The following ELF1 variants were observed in gnomAD, a reference collection of about 807,000 sequenced individuals.
ELF1 encodes the protein ETS-related transcription factor Elf-1.
A neutral mutation model predicts 59.9 loss-of-function variants in ELF1; 24 were observed. The ratio of observed to expected loss-of-function variants is 0.40; its 90% CI spans 0.29 to 0.56. The LOEUF (loss-of-function observed/expected upper bound fraction) is 0.56, where lower values mean the gene tolerates loss of function less well. Among genes scored for constraint, ELF1 ranks in the 20% least tolerant of loss-of-function variants. The pLI is 0.44. For synonymous variants in ELF1, 248 were observed against 266.2 expected (o/e 0.93, Z 0.67); for missense variants, 627 against 742.2 (o/e 0.84, Z 1.80).
At chr13:40,959,812 C>A (rs185145161) in intron 2 of ELF1, among the ~76,000 whole-genome samples, 3 of 152,158 alleles carry the variant, frequency 2.0e-5, no homozygotes, top group East Asian at 1.9e-4. Flanking sequence ...ATGGAAAGGA[C>A]CCATACAATT....
In ELF1 at chr13:40,941,048, G is replaced by C. The variant is rs1231336956; in HGVS notation, c.1129C>G (p.Pro377Ala). Residue 377 changes from proline (P) to alanine (A), a missense_variant, in exon 8 of 9, where the codon CCA becomes GCA. By Grantham distance (27) the Pro-to-Ala change is conservative. Coordinates refer to ENST00000239882, the MANE Select transcript of ELF1 (RefSeq NM_172373.4). ...VLRTVQPTQS[P>A]YPTQLFRTVH... ...GTCCGGAAGAGCTGGGTAGGATATG[G>C]AGACTGCGTGGGCTGCACTGTCCTC... The C allele has an allele frequency of 6.2e-7, 1 of 1,614,092 alleles. No individual in the cohort carries two copies. Among genetic ancestry groups the C allele is most frequent in the African/African-American group, 1.3e-5 (1 of 74,940 alleles).
chr13:40,941,082 T>C lies in ELF1; in HGVS notation c.1095A>G (p.Ser365=), dbSNP rs781500436. Residue 365 remains serine, a synonymous_variant, in exon 8 of 9, where the codon TCA becomes TCG. Coordinates refer to ENST00000239882, the MANE Select transcript of ELF1 (RefSeq NM_172373.4). ...TGGGCTGCACTGTCCTCAAAACTTC[T>C]GATGGTTGTGCAACTTCCACAGGAT... The part of the protein sequence containing the change: ...PKDPVEVAQP[S]EVLRTVQPTQ... The C allele has an allele frequency of 2.5e-6, 4 of 1,614,214 alleles. No individual in the cohort carries two copies. The highest frequency in any genetic ancestry group is 3.4e-6 in the Non-Finnish European group (4 of 1,180,032).
chr13:40,951,330 T>C lies in ELF1; in HGVS notation c.360A>G (p.Ile120Met). The part of the protein sequence containing the change: ...SPGPMLDEKR[I>M]NNNIFSSPED... The stretch of plus-strand genomic sequence containing the variant: ...ACATAAACAATCATAATCACTCACT[T>C]ATTCGTTTTTCATCCAGCATAGGGC... The change falls in exon 4 of 9, where the codon ATA becomes ATG. Residue 120 changes from isoleucine (I) to methionine (M), a missense_variant and splice_region_variant. This residue lies in a region of ELF1 where 232 missense variants were observed against 269.2 expected (regional missense o/e 0.86). Transcript: ENST00000239882. 1 of 1,608,418 alleles carries C rather than the reference T, an allele frequency of 6.2e-7. No homozygotes were observed.
At chr13:40,967,758 ATT>A (rs368951830) in intron 2 of ELF1, among the ~76,000 whole-genome samples, 3 of 144,628 alleles carry the variant, frequency 2.1e-5, no homozygotes, top group Admixed American at 1.4e-4. Flanking sequence ...TGTCTGGCTA[ATT>A]TTTTTTTTTT....
intron 1 of ELF1, among the ~76,000 whole-genome samples, chr13:40,984,485 T>C (rs935574627): frequency 6.6e-6 from 1 of 152,186 alleles, no homozygotes; most frequent in Non-Finnish European, 1.5e-5. Context: ...GGAGGATCAC[T>C]TGAGCCCAGG....
At position 40,941,186 on chromosome 13, in the gene ELF1, C is replaced by T. The variant is rs990847340; in HGVS notation, c.991G>A (p.Val331Ile). The T allele has an allele frequency of 1.2e-6, 2 of 1,614,098 alleles. No homozygotes were observed. The highest frequency in any genetic ancestry group is 2.2e-5 in the South Asian group (2 of 91,076). The change falls in exon 8 of 9, where the codon GTA (valine) becomes ATA (isoleucine). Residue 331 changes from valine (V) to isoleucine (I), a missense_variant. Transcript: ENST00000239882. Reference protein sequence around the residue: ...SNRNQTSRSRVSSSPGVKGGA... With the variant: ...SNRNQTSRSRISSSPGVKGGA... ...CCTTTTACCCCTGGACTTGAAGATA[C>T]TCTCGACCGGCTGGTTTGATTCCTA...
chr13:41,015,003 C>CA (rs1415835220), intron 1 of ELF1, among the ~76,000 whole-genome samples: 1 of 151,714 alleles, frequency 6.6e-6, no homozygotes, highest in Non-Finnish European at 1.5e-5. Flanking sequence ...GCCCTCCCCC[C>CA]AAAAAAAGAA....
intron 2 of ELF1, among the ~76,000 whole-genome samples, chr13:40,971,715 A>G (rs1406795889): frequency 6.6e-6 from 1 of 152,228 alleles, no homozygotes; most frequent in Admixed American, 6.5e-5. Flanking sequence ...GTCTAATCCT[A>G]GTGTAACTGT....
intron 1 of ELF1, among the ~76,000 whole-genome samples, chr13:41,046,515 A>G (rs896723041): frequency 4.6e-5 from 7 of 152,140 alleles, no homozygotes; most frequent in Admixed American, 4.6e-4. Context: ...GCTTGTCTGT[A>G]AAGGATTTTA....
chr13:40,942,811 C>T (rs1205366368), intron 7 of ELF1, 141 bp downstream of exon 7: 15 of 887,958 alleles, frequency 1.7e-5, no homozygotes, highest in South Asian at 3.5e-5. Flanking sequence ...CATGAGCCAC[C>T]GCACCTGACT....
At chr13:40,942,881 A>G (rs941492249) in intron 7 of ELF1, 71 bp downstream of exon 7, 1 of 1,404,866 alleles carries the variant, frequency 7.1e-7, no homozygotes, top group African/African-American at 1.4e-5. Flanking sequence ...GCTGAACTTA[A>G]GCTTAGTATT....
chr13:41,010,110 A>G (rs2138360035), intron 1 of ELF1, among the ~76,000 whole-genome samples: 1 of 150,506 alleles, frequency 6.6e-6, no homozygotes, highest in Non-Finnish European at 1.5e-5. Flanking sequence ...ATGCTGTTAA[A>G]TATACATGCT....
chr13:40,952,978 CT>C (rs35370228), intron 3 of ELF1, among the ~76,000 whole-genome samples: 28 of 141,990 alleles, frequency 2.0e-4, no homozygotes, highest in South Asian at 4.4e-4. Context: ...AACAATAAAT[CT>C]TTTTTTTTTT....
intron 1 of ELF1, among the ~76,000 whole-genome samples, chr13:41,016,343 G>C (rs1369688616): frequency 1.3e-5 from 2 of 152,104 alleles, no homozygotes; most frequent in Non-Finnish European, 2.9e-5. Context: ...TTCAGACCTA[G>C]AGAATTTCCA....
chr13:40,985,601 A>C (rs1216638947), intron 1 of ELF1, among the ~76,000 whole-genome samples: 1 of 152,200 alleles, frequency 6.6e-6, no homozygotes, highest in African/African-American at 2.4e-5. Flanking sequence ...TCAGCTTCTG[A>C]GCTCCAAATC....
chr13:40,975,419 T>G (rs1325620155), intron 2 of ELF1, among the ~76,000 whole-genome samples: 1 of 151,978 alleles, frequency 6.6e-6, no homozygotes, highest in Non-Finnish European at 1.5e-5. Context: ...TACAACAGAG[T>G]AGAGGGAAAA....
In ELF1 at chr13:41,016,845, C is replaced by T. The variant is rs111564251; in HGVS notation, c.-229+2383G>A. On this transcript the variant is annotated intron_variant, in intron 1 of 8. Coordinates refer to ENST00000239882, the MANE Select transcript of ELF1 (RefSeq NM_172373.4). ...AGGAGAATTGCTTGAACCCGGGAGA[C>T]GGAAGTTGCAGTGAGCCGAGATTGC... Among the ~76,000 whole-genome samples the T allele has an allele frequency of 8.9e-5, 12 of 134,644 alleles. No individual in the cohort carries two copies. In the South Asian group the frequency reaches 1.0e-3, roughly 11 times the overall value. The allele number at this position is 134,644 out of a possible 152,430, so 88.3% of individuals were successfully genotyped here.
intron 1 of ELF1, among the ~76,000 whole-genome samples, chr13:40,982,510 C>T (rs1873332404): frequency 6.6e-6 from 1 of 151,266 alleles, no homozygotes; most frequent in Non-Finnish European, 1.5e-5. Flanking sequence ...GCCTCTCTCC[C>T]CCACTCTCCA....
At chr13:41,060,882 C>G (rs574869414) in exon 1 of ELF1, 1 of 342,938 alleles carries the variant, frequency 2.9e-6, no homozygotes, top group South Asian at 2.2e-5. Context: ...CACCTCTCGC[C>G]ACCGCCGCCT....
Sources: allele counts gnomAD v4.1 joint callset (sites outside exome capture counted in the v4.1 genomes callset), GRCh38; gene constraint gnomAD v4.1.1; regional missense constraint gnomAD v4.1.1; transcripts MANE v1.5; gene names NCBI Gene and HGNC (gene_info 2026-07-23, HGNC 2026-07-21).